Variants in WWC1 observed in about 807,000 individuals in gnomAD.
The protein encoded by WWC1 is protein KIBRA.
In WWC1, 55 loss-of-function variants were observed where a neutral mutation model predicts 138.4. That is an observed-to-expected ratio of 0.40 (90% CI 0.32 to 0.50). WWC1 has a LOEUF of 0.50. WWC1 is among the 20% of genes least tolerant of loss of function. The pLI is 0.72. For missense variants in WWC1, 1,226 were observed against 1,420.4 expected, an observed-to-expected ratio of 0.86 and a Z score of 2.20; for synonymous variants, 524 against 564.9, an observed-to-expected ratio of 0.93 and a Z score of 1.03.
chr5:168,386,927 G>T, intron 3 of WWC1, among the ~76,000 whole-genome samples: 1 of 152,202 alleles, frequency 6.6e-6, no homozygotes, highest in Admixed American at 6.5e-5. Flanking sequence ...TGGGATTACA[G>T]GTGTGAGCCA....
chr5:168,334,054 GAAA>G (rs70976475), intron 1 of WWC1, among the ~76,000 whole-genome samples: 24 of 44,512 alleles, frequency 5.4e-4, no homozygotes, highest in African/African-American at 1.7e-3. Context: ...CATCCCTACT[GAAA>G]AAAAAAAAAA....
At chr5:168,345,166 G>A (rs1224272515) in intron 1 of WWC1, among the ~76,000 whole-genome samples, 1 of 152,300 alleles carries the variant, frequency 6.6e-6, no homozygotes, top group South Asian at 2.1e-4. Context: ...GGGCAGTGGT[G>A]CAATCTTGGC....
At chr5:168,460,048 C>G (rs643323) in intron 19 of WWC1, among the ~76,000 whole-genome samples, 121,192 of 152,126 alleles carry the variant, frequency 0.8, 48,809 homozygotes, top group African/African-American at 0.91. Flanking sequence ...AGTGATCGAG[C>G]GGATGCCCAC....
chr5:168,349,878 GT>G (rs1774798975), intron 1 of WWC1, among the ~76,000 whole-genome samples: 1 of 152,106 alleles, frequency 6.6e-6, no homozygotes, highest in South Asian at 2.1e-4. Flanking sequence ...GTAACCGTTT[GT>G]TTCCTCAAAA....
chr5:168,463,927 T>G (rs1757028828), intron 20 of WWC1, among the ~76,000 whole-genome samples: 1 of 152,144 alleles, frequency 6.6e-6, no homozygotes, highest in African/African-American at 2.4e-5. Context: ...TCTTGAAGGC[T>G]TAGCAACCTC....
chr5:168,389,005 G>A (rs1266274747), intron 3 of WWC1, among the ~76,000 whole-genome samples: 2 of 152,086 alleles, frequency 1.3e-5, no homozygotes, highest in East Asian at 3.8e-4. Context: ...GCAAGAAGAA[G>A]CATGGGAAAA....
chr5:168,403,922 C>A (rs1343556997), intron 5 of WWC1, among the ~76,000 whole-genome samples: 7 of 145,570 alleles, frequency 4.8e-5, no homozygotes, highest in Non-Finnish European at 9.0e-5. Context: ...TTTTCTTTCC[C>A]TTAAAAAAAA....
rs1303217034 is a variant in WWC1 at position 168,292,474 on chromosome 5, G to A, written c.119+203G>A. 6.6e-6 allele frequency among the ~76,000 whole-genome samples: 1 copy of A among 151,890 alleles called. No individual in the cohort carries two copies. The highest frequency in any genetic ancestry group is 2.4e-5 in the African/African-American group (1 of 41,340). On this transcript the variant is annotated intron_variant, in intron 1 of 22. Coordinates refer to ENST00000265293, the MANE Select transcript of WWC1 (RefSeq NM_015238.3). This position sits in a 1 kb window ranked among gnomAD's most constrained non-coding sequence, Gnocchi z 4.4. The stretch of plus-strand genomic sequence containing the variant: ...GGGCCACCGAGAGGAGGCGCCTGCC[G>A]GGGAGCTGGCCCAGGCTGCCCCACC...
intron 1 of WWC1, among the ~76,000 whole-genome samples, chr5:168,362,584 C>T (rs2152801012): frequency 6.6e-6 from 1 of 152,336 alleles, no homozygotes; most frequent in East Asian, 1.9e-4. Flanking sequence ...AACATATCTT[C>T]AGGCTGAATT....
intron 1 of WWC1, among the ~76,000 whole-genome samples, chr5:168,331,364 C>T (rs1773019000): frequency 6.6e-6 from 1 of 152,144 alleles, no homozygotes; most frequent in East Asian, 1.9e-4. Flanking sequence ...AATGTTTGGC[C>T]CACATGGTTT....
chr5:168,366,248 C>T (rs1042417482), intron 1 of WWC1, among the ~76,000 whole-genome samples: 11 of 152,154 alleles, frequency 7.2e-5, no homozygotes, highest in African/African-American at 2.4e-4. Flanking sequence ...TCTCTTCATC[C>T]TGAATGACAC....
rs1461192942 is a variant in WWC1 at position 168,428,775 on chromosome 5, A to T, written c.1988A>T (p.Gln663Leu). 3 of 1,613,854 alleles carry T rather than the reference A, an allele frequency of 1.9e-6. No individual in the cohort carries two copies. Among genetic ancestry groups the T allele is most frequent in the Middle Eastern group, 1.6e-4 (1 of 6,062 alleles). ...ESEAVGATRI[Q>L]IALKYDEKNK... is the part of the protein sequence containing the mutation. Reference sequence around the variant, plus strand: ...GAAGCAGTGGGTGCGACCCGAATTCAGATTGCCCTGAAGTAAGTGACGAGG... The same window carrying T: ...GAAGCAGTGGGTGCGACCCGAATTCTGATTGCCCTGAAGTAAGTGACGAGG... Residue 663 changes from glutamine to leucine, a missense_variant, in exon 13 of 23, where the codon CAG becomes CTG. Physicochemically the swap from Gln to Leu is moderately radical, Grantham distance 113. Coordinates refer to ENST00000265293, the MANE Select transcript of WWC1 (RefSeq NM_015238.3).
intron 2 of WWC1, among the ~76,000 whole-genome samples, chr5:168,384,733 T>TTG (rs1484677216): frequency 0.12 from 17,323 of 144,120 alleles, 1,062 homozygotes; most frequent in Non-Finnish European, 0.14. Flanking sequence ...TTTTTTTTTT[T>TTG]TTCAGACAGA....
At chr5:168,416,323 G>A (rs946305962) in intron 9 of WWC1, 1 of 152,244 alleles carries the variant, frequency 6.6e-6, no homozygotes, top group African/African-American at 2.4e-5. Flanking sequence ...GGGAGAAGGA[G>A]AAGGACAGAG....
At chr5:168,375,126 T>C (rs1352900371) in intron 2 of WWC1, among the ~76,000 whole-genome samples, 1 of 151,778 alleles carries the variant, frequency 6.6e-6, no homozygotes, top group African/African-American at 2.4e-5. Flanking sequence ...AGGAGAGAGG[T>C]CTGGGCTGAA....
intron 13 of WWC1, 34 bp downstream of exon 13, chr5:168,428,821 G>T (rs1272491607): frequency 6.2e-7 from 1 of 1,608,332 alleles, no homozygotes. Flanking sequence ...CAGAAGGAAC[G>T]GTCTGTGTGG....
chr5:168,421,084 G>T (rs928565268), intron 9 of WWC1, among the ~76,000 whole-genome samples: 1 of 152,176 alleles, frequency 6.6e-6, no homozygotes, highest in African/African-American at 2.4e-5. Context: ...TTCATATAAT[G>T]TCTAATTGGG....
intron 1 of WWC1, among the ~76,000 whole-genome samples, chr5:168,300,969 T>G (rs1348559692): frequency 6.6e-6 from 1 of 152,366 alleles, no homozygotes; most frequent in Non-Finnish European, 1.5e-5. Context: ...AGCATTTCAC[T>G]GTATTCCAGG....
chr5:168,311,736 G>T (rs754008066), intron 1 of WWC1, among the ~76,000 whole-genome samples: 2 of 152,186 alleles, frequency 1.3e-5, no homozygotes, highest in Non-Finnish European at 2.9e-5. Context: ...AATTAGCTGG[G>T]TGTGGTGGCA....
Sources: gnomAD v4.1 joint callset for allele counts (sites outside exome capture counted in the v4.1 genomes callset) on GRCh38, gnomAD v4.1.1 for gene constraint, Gnocchi (gnomAD v3.1) non-coding constraint, MANE v1.5 for transcripts, NCBI Gene and HGNC (gene_info 2026-07-23, HGNC 2026-07-21) for gene names.